Variants in DNAH11 observed in about 807,000 individuals in gnomAD.
The protein encoded by DNAH11 is axonemal beta dynein heavy chain 11.
A neutral mutation model predicts 526.0 loss-of-function variants in DNAH11; 442 were observed. The observed-to-expected ratio is 0.84, with a 90% confidence interval of 0.78 to 0.91. DNAH11 has a LOEUF of 0.91. DNAH11 is among the 40% of genes least tolerant of loss of function. DNAH11 has a pLI of 0.00. For synonymous variants in DNAH11, 2,461 were observed against 1,935.9 expected, an observed-to-expected ratio of 1.27 and a Z score of -7.12; for missense variants, 6,989 against 5,448.7, an observed-to-expected ratio of 1.28 and a Z score of -8.90.
intron 65 of DNAH11, among the ~76,000 whole-genome samples, chr7:21,822,803 T>C (rs1238722336): frequency 1.3e-5 from 2 of 152,156 alleles, no homozygotes; most frequent in Non-Finnish European, 2.9e-5. Context: ...CCATTCTAAC[T>C]GGAATGAGAC....
At chr7:21,591,741 G>A (rs1460370558) in intron 14 of DNAH11, among the ~76,000 whole-genome samples, 164 bp downstream of exon 14, 1 of 152,180 alleles carries the variant, frequency 6.6e-6, no homozygotes, top group African/African-American at 2.4e-5. Context: ...TTACTTGCCT[G>A]CAATTTCTGT....
intron 8 of DNAH11, 38 bp from the exon 9 acceptor site, chr7:21,581,867 A>T: frequency 7.5e-7 from 1 of 1,334,628 alleles, no homozygotes; most frequent in Non-Finnish European, 1.1e-6. Flanking sequence ...CTGTTGGATT[A>T]TTTCCAATAT....
Position 21,786,708 on chromosome 7 carries a change from C to G in DNAH11, c.9682C>G (p.Pro3228Ala). Residue 3228 changes from proline to alanine, a missense_variant, in exon 59 of 82, where the codon CCT (proline) becomes GCT (alanine). Coordinates refer to ENST00000409508, the MANE Select transcript of DNAH11 (RefSeq NM_001277115.2). ...VTAAVMVLLA[P>A]RGRVPKDRSW... is the part of the protein sequence containing the mutation. ...TGCAGCCGTGATGGTCCTTCTGGCT[C>G]CTCGGGGAAGAGTGCCCAAAGACCG... 6.2e-7 allele frequency: 1 copy of G among 1,613,874 alleles called. No individual in the cohort carries two copies. The highest frequency in any genetic ancestry group is 1.1e-5 in the South Asian group (1 of 91,058).
At chr7:21,811,388 G>A (rs937884111) in intron 63 of DNAH11, among the ~76,000 whole-genome samples, 6 of 151,778 alleles carry the variant, frequency 4.0e-5, no homozygotes, top group East Asian at 1.9e-4. Context: ...CCCAGGAGGC[G>A]GAAGTTGCAG....
chr7:21,717,814 A>G lies in DNAH11; in HGVS notation c.7023A>G (p.Ser2341=). 6.2e-7 allele frequency: 1 copy of G among 1,613,896 alleles called. No homozygotes were observed. Among genetic ancestry groups the G allele is most frequent in the Non-Finnish European group, 8.5e-7 (1 of 1,179,838 alleles). ...ASWIDRRRHQ[S]EKANLTILFD... is the part of the protein sequence containing the mutation. Reference sequence around the variant, plus strand: ...GGATAGACAGAAGGCGGCATCAATCAGAAAAGGCCAATTTGACTATTCTTT... The same window carrying G: ...GGATAGACAGAAGGCGGCATCAATCGGAAAAGGCCAATTTGACTATTCTTT... The change falls in exon 43 of 82, where the codon TCA becomes TCG. Residue 2341 remains serine, a synonymous_variant. Coordinates refer to ENST00000409508, the MANE Select transcript of DNAH11 (RefSeq NM_001277115.2).
chr7:21,774,115 C>T (rs1321546200), intron 56 of DNAH11, 116 bp downstream of exon 56: 3 of 964,920 alleles, frequency 3.1e-6, no homozygotes, highest in African/African-American at 1.7e-5. Context: ...GTGAAATTTA[C>T]AGTTTCATGA....
chr7:21,595,867 C>T (rs990903844), intron 14 of DNAH11, among the ~76,000 whole-genome samples: 1 of 151,480 alleles, frequency 6.6e-6, no homozygotes, highest in African/African-American at 2.4e-5. Flanking sequence ...CCATTCTTCT[C>T]TTAGGAGACC....
chr7:21,773,809 A>T lies in DNAH11; in HGVS notation c.9146A>T (p.His3049Leu). 1.2e-6 allele frequency: 2 copies of T among 1,607,598 alleles called. No homozygotes were observed. The highest frequency in any genetic ancestry group is 1.7e-6 in the Non-Finnish European group (2 of 1,177,094). The change falls in exon 56 of 82, where the codon CAC becomes CTC. Residue 3049 changes from histidine to leucine, a missense_variant. Physicochemically the swap from His to Leu is moderately conservative, Grantham distance 99. Transcript: ENST00000409508. ...DSISLFMAHV[H>L]TTVNEMSTRY... Reference sequence around the variant, plus strand: ...ATTAGCCTTTTCATGGCACATGTTCACACCACTGTAAATGAAATGAGTACC... The same window carrying T: ...ATTAGCCTTTTCATGGCACATGTTCTCACCACTGTAAATGAAATGAGTACC...
intron 65 of DNAH11, among the ~76,000 whole-genome samples, chr7:21,836,684 C>G (rs1782009231): frequency 6.6e-6 from 1 of 152,046 alleles, no homozygotes; most frequent in Non-Finnish European, 1.5e-5. Context: ...TTGGTCTGGA[C>G]AAAGATTTTT....
chr7:21,624,937 C>G (rs1786258866), intron 25 of DNAH11, among the ~76,000 whole-genome samples: 1 of 151,948 alleles, frequency 6.6e-6, no homozygotes, highest in Non-Finnish European at 1.5e-5. Context: ...AATCAGTTTG[C>G]TAGACTTTGC....
At chr7:21,775,644 G>A (rs1583682305) in intron 56 of DNAH11, among the ~76,000 whole-genome samples, 1 of 150,892 alleles carries the variant, frequency 6.6e-6, no homozygotes, top group Admixed American at 6.6e-5. Flanking sequence ...TGTCTTTCCT[G>A]TCTCTTTTTA....
chr7:21,765,610 T>TCA lies in DNAH11; in HGVS notation c.9102+69_9102+70dup, dbSNP rs3219983. On this transcript the variant is annotated intron_variant, in intron 55 of 81. Coordinates refer to ENST00000409508, the MANE Select transcript of DNAH11 (RefSeq NM_001277115.2). ...TTGAGGTATGCCGTGTCAGCCTGCG[T>TCA]CACACACACACACACACACACACAC... 38,177 of 947,506 alleles carry TCA rather than the reference T, an allele frequency of 0.04. 2,436 individuals carry two copies. Among genetic ancestry groups the TCA allele is most frequent in the Admixed American group, 0.069 (2,494 of 36,158 alleles). 58.7% of individuals were successfully genotyped at this position (947,506 alleles called of 1,614,324 possible).
chr7:21,698,259 A>G, intron 36 of DNAH11, 46 bp downstream of exon 36: 1 of 1,604,992 alleles, frequency 6.2e-7, no homozygotes, highest in Non-Finnish European at 8.5e-7. Flanking sequence ...ATACCATTGA[A>G]AAAGCTTTTG....
rs575981863 is a variant in DNAH11 at position 21,817,458 on chromosome 7, AT to A, written c.10569-757del. ...CACTTTAGGAGGCTGATACAGGAGG[AT>A]TGCTTGGAGCCAGGAATTCAAGACC... On this transcript the variant is annotated intron_variant, in intron 64 of 81. Transcript: ENST00000409508. Among the ~76,000 whole-genome samples the A allele has an allele frequency of 4.6e-3, 667 of 143,930 alleles. 12 individuals are homozygous for A. The highest frequency in any genetic ancestry group is 0.015 in the African/African-American group (590 of 39,386). The allele number at this position is 143,930 out of a possible 152,430, so 94.4% of individuals were successfully genotyped here. A position where few individuals can be genotyped will look rare whatever the true frequency, so the allele number is the denominator to read the frequency against.
chr7:21,665,863 T>C (rs1198735025), intron 30 of DNAH11, among the ~76,000 whole-genome samples: 2 of 152,108 alleles, frequency 1.3e-5, no homozygotes, highest in Non-Finnish European at 2.9e-5. Context: ...GAAGCTAACA[T>C]TTGAATTCTG....
Position 21,864,641 on chromosome 7 carries a change from C to A in DNAH11, c.11480C>A (p.Ser3827Ter), listed in dbSNP as rs1478038194. ...CCCGTTGACTTCCTAACTTCTCAGTCATGGAGTGCTATCAAGGTATGTTAG... is the reference window on the plus strand; with the variant it reads ...CCCGTTGACTTCCTAACTTCTCAGTAATGGAGTGCTATCAAGGTATGTTAG... ...LSPVDFLTSQ[S>*]WSAIKAIAVM... Residue 3827 changes from serine to a stop codon, truncating the protein, a stop_gained, in exon 70 of 82, where the codon TCA becomes TAA. Coordinates refer to ENST00000409508, the MANE Select transcript of DNAH11 (RefSeq NM_001277115.2). LOFTEE classifies it high-confidence loss of function. 2 of 1,603,500 alleles carry A rather than the reference C, an allele frequency of 1.2e-6. No homozygotes were observed. The highest frequency in any genetic ancestry group is 1.1e-5 in the South Asian group (1 of 88,504).
chr7:21,682,424 G>A (rs1783183116), intron 31 of DNAH11, among the ~76,000 whole-genome samples: 1 of 151,768 alleles, frequency 6.6e-6, no homozygotes, highest in South Asian at 2.1e-4. Context: ...TACTTGGGAG[G>A]CTGAGGCGGG....
chr7:21,845,255 G>A (rs1302951589), intron 66 of DNAH11, among the ~76,000 whole-genome samples: 1 of 151,894 alleles, frequency 6.6e-6, no homozygotes, highest in Non-Finnish European at 1.5e-5. Context: ...ATTTTTTCTT[G>A]CTTGTTTTTT....
chr7:21,819,443 C>A (rs1001543975), intron 65 of DNAH11, among the ~76,000 whole-genome samples: 1 of 152,112 alleles, frequency 6.6e-6, no homozygotes, highest in African/African-American at 2.4e-5. Context: ...ACATTTAGAA[C>A]AATCTAACAA....
Sources: allele counts gnomAD v4.1 joint callset (sites outside exome capture counted in the v4.1 genomes callset), GRCh38; gene constraint gnomAD v4.1.1; transcripts MANE v1.5; gene names NCBI Gene and HGNC (gene_info 2026-07-23, HGNC 2026-07-21).